Variants in RABL6 observed in about 807,000 individuals in gnomAD.
RABL6 encodes rab-like protein 6.
Under a neutral mutation model 72.9 loss-of-function variants are expected in RABL6, and 28 were observed. The observed-to-expected ratio is 0.38, with a 90% CI of 0.28 to 0.53. The LOEUF (loss-of-function observed/expected upper bound fraction) is 0.53, where lower values mean the gene tolerates loss of function less well. Among genes scored for constraint, RABL6 ranks in the 20% least tolerant of loss-of-function variants. RABL6 has a pLI of 0.80. For missense variants in RABL6, 1,029 were observed against 1,008.4 expected, an observed-to-expected ratio of 1.02 and a Z score of -0.28; for synonymous variants, 477 against 421.2, an observed-to-expected ratio of 1.13 and a Z score of -1.62.
intron 3 of RABL6, 73 bp downstream of exon 3, chr9:136,825,899 C>G: frequency 5.9e-6 from 9 of 1,517,212 alleles, no homozygotes; most frequent in Non-Finnish European, 8.2e-6. Context: ...TCCTTTCTTT[C>G]CCCCGGCGCC....
intron 1 of RABL6, chr9:136,821,764 G>A: frequency 8.6e-7 from 1 of 1,156,120 alleles, no homozygotes; most frequent in Non-Finnish European, 1.1e-6. Flanking sequence ...GCTGGAGGGC[G>A]CTGCAGGCGG....
intron 14 of RABL6, 46 bp downstream of exon 14, chr9:136,840,258 C>A (rs370321614): frequency 6.2e-7 from 1 of 1,612,224 alleles, no homozygotes. Context: ...GGGTGGCATG[C>A]GGTCCTGGGA....
At chr9:136,816,169 A>G (rs921553049) in intron 1 of RABL6, among the ~76,000 whole-genome samples, 4 of 152,164 alleles carry the variant, frequency 2.6e-5, no homozygotes, top group African/African-American at 4.8e-5. Flanking sequence ...CAGTGGCGCA[A>G]TCTTGACTCA....
In RABL6 at chr9:136,839,873, G is replaced by A; in HGVS notation, c.1930+8G>A. ...AGGAGAGCAGTGAGGAAGGTGGGTG[G>A]GGGCACCAGAGTGCGGTCAGCCTGC... On this transcript the variant is annotated splice_region_variant and intron_variant, in intron 13 of 14. Coordinates refer to ENST00000311502, the MANE Select transcript of RABL6 (RefSeq NM_024718.5). 3.1e-6 allele frequency: 5 copies of A among 1,610,274 alleles called. No individual in the cohort carries two copies. The highest frequency in any genetic ancestry group is 4.2e-6 in the Non-Finnish European group (5 of 1,178,888).
intron 1 of RABL6, among the ~76,000 whole-genome samples, chr9:136,821,081 A>G (rs540809687): frequency 6.6e-6 from 1 of 152,254 alleles, no homozygotes; most frequent in Non-Finnish European, 1.5e-5. Flanking sequence ...CCCCGCGTTC[A>G]TGAGGGCTGG....
intron 3 of RABL6, 86 bp downstream of exon 3, chr9:136,825,912 T>C (rs542823713): frequency 5.6e-6 from 8 of 1,421,438 alleles, no homozygotes; most frequent in African/African-American, 2.8e-5. Flanking sequence ...CCGGCGCCCA[T>C]GCATCACCCA....
chr9:136,816,898 G>A (rs1448112194), intron 1 of RABL6, among the ~76,000 whole-genome samples: 2 of 151,980 alleles, frequency 1.3e-5, no homozygotes, highest in East Asian at 3.9e-4. Context: ...TCAAGGGAGA[G>A]AAAATAAGAC....
chr9:136,840,937 C>T lies in RABL6; in HGVS notation c.*415C>T, dbSNP rs1291093633. The T allele has an allele frequency of 1.4e-6, 2 of 1,466,608 alleles. No homozygotes were observed. The highest frequency in any genetic ancestry group is 1.8e-6 in the Non-Finnish European group (2 of 1,104,896). 90.8% of individuals were successfully genotyped at this position (1,466,608 alleles called of 1,614,324 possible). A position where few individuals can be genotyped will look rare whatever the true frequency, so the allele number is the denominator to read the frequency against. ...CGCGCTCATCTGGGGCCGCAGCATG[C>T]CTATGGTTCCGCTTCCGGCCGGGAG... On this transcript the variant is annotated 3_prime_UTR_variant, in exon 15 of 15. Coordinates refer to ENST00000311502, the MANE Select transcript of RABL6 (RefSeq NM_024718.5).
chr9:136,841,091 A>C lies in RABL6; in HGVS notation c.*569A>C. The C allele has an allele frequency of 1.4e-6, 2 of 1,382,108 alleles. No homozygotes were observed. The highest frequency in any genetic ancestry group is 3.4e-5 in the South Asian group (2 of 59,678). The allele number at this position is 1,382,108 out of a possible 1,614,324, so 85.6% of individuals were successfully genotyped here. A position where few individuals can be genotyped will look rare whatever the true frequency, so the allele number is the denominator to read the frequency against. On this transcript the variant is annotated 3_prime_UTR_variant, in exon 15 of 15. Transcript: ENST00000311502. ...GGGTTGTGTTTCCCACAGTGGCCTCAGCTGCGCCCCCGCTCAGGTGAGCCC... is the reference window on the plus strand; with the variant it reads ...GGGTTGTGTTTCCCACAGTGGCCTCCGCTGCGCCCCCGCTCAGGTGAGCCC...
At chr9:136,815,857 T>G (rs1848109164) in intron 1 of RABL6, among the ~76,000 whole-genome samples, 1 of 152,222 alleles carries the variant, frequency 6.6e-6, no homozygotes, top group Admixed American at 6.5e-5. Flanking sequence ...GAGCTCTGTG[T>G]TTTCTGCATT....
chr9:136,828,567 G>A, intron 4 of RABL6, 21 bp downstream of exon 4: 1 of 1,611,826 alleles, frequency 6.2e-7, no homozygotes, highest in Non-Finnish European at 8.5e-7. Context: ...GGTACACAGT[G>A]GGTAGCAGTG....
rs375054697 is a variant in RABL6 at position 136,828,596 on chromosome 9, C to T, written c.366+50C>T. ...AGCAGTGGCTCAGGGCCCCGGGGTG[C>T]GTGAGCCGGTGCCCAGCGCTTCACA... On this transcript the variant is annotated intron_variant, in intron 4 of 14. Coordinates refer to ENST00000311502, the MANE Select transcript of RABL6 (RefSeq NM_024718.5). The T allele has an allele frequency of 4.4e-5, 69 of 1,580,214 alleles. 1 individual carries two copies. In the Admixed American group the frequency reaches 4.7e-4, roughly 11 times the overall value.
At chr9:136,820,776 ACAG>A (rs1257845461) in intron 1 of RABL6, among the ~76,000 whole-genome samples, 10 of 152,348 alleles carry the variant, frequency 6.6e-5, no homozygotes, top group African/African-American at 2.4e-4. Flanking sequence ...AAAAAAATAA[ACAG>A]AGGCTGAGTG....
At chr9:136,816,665 C>T (rs1432280026) in intron 1 of RABL6, among the ~76,000 whole-genome samples, 1 of 144,732 alleles carries the variant, frequency 6.9e-6, no homozygotes, top group Non-Finnish European at 1.5e-5. Flanking sequence ...TGCAGTGGGT[C>T]GAGATCGCGC....
In RABL6 at chr9:136,823,576, A is replaced by G; in HGVS notation, c.182A>G (p.His61Arg). The G allele has an allele frequency of 6.2e-7, 1 of 1,613,844 alleles. No homozygotes were observed. Among genetic ancestry groups the G allele is most frequent in the Non-Finnish European group, 8.5e-7 (1 of 1,179,852 alleles). ...DRNTGKTALW[H>R]RLQGRPFVEE... ...AACACGGGCAAGACAGCGCTGTGGC[A>G]CCGCCTGCAGGGCCGGCCGTTCGTG... Residue 61 changes from histidine (H) to arginine (R), a missense_variant, in exon 2 of 15, where the codon CAC becomes CGC. Around this residue, in one of 2 missense-constraint regions of RABL6, gnomAD observed 434 missense variants for 536.1 expected, o/e 0.81. Transcript: ENST00000311502.
chr9:136,820,558 AC>A (rs1848215855), intron 1 of RABL6, among the ~76,000 whole-genome samples: 1 of 152,094 alleles, frequency 6.6e-6, no homozygotes, highest in Non-Finnish European at 1.5e-5. Flanking sequence ...TTTAGTAGAT[AC>A]GGGGTTTCTC....
chr9:136,838,111 G>C lies in RABL6; in HGVS notation c.1280+96G>C, dbSNP rs562422145. On this transcript the variant is annotated intron_variant, in intron 10 of 14. Transcript: ENST00000311502. Reference sequence around the variant, plus strand: ...CTGGCTTTCTAGGGGCGCAGAAGGGGCCCCCCGCCGGCTGGTCACTGTTGG... The same window carrying C: ...CTGGCTTTCTAGGGGCGCAGAAGGGCCCCCCCGCCGGCTGGTCACTGTTGG... 1.7e-4 allele frequency: 241 copies of C among 1,426,090 alleles called. 2 individuals carry two copies. Among genetic ancestry groups the C allele is most frequent in the Middle Eastern group, 1.6e-3 (8 of 5,096 alleles). 88.3% of individuals were successfully genotyped at this position (1,426,090 alleles called of 1,614,324 possible).
intron 7 of RABL6, among the ~76,000 whole-genome samples, chr9:136,834,739 A>G (rs1302076410): frequency 2.6e-5 from 4 of 151,926 alleles, no homozygotes; most frequent in Non-Finnish European, 5.9e-5. Flanking sequence ...GGCCCCCCCA[A>G]AGTGCTGGGA....
chr9:136,826,856 T>A lies in RABL6; in HGVS notation c.313+1030T>A, dbSNP rs1848369932. The A allele has an allele frequency of 6.6e-6, 1 of 152,290 alleles. No homozygotes were observed. Among genetic ancestry groups the A allele is most frequent in the Admixed American group, 6.5e-5 (1 of 15,282 alleles). The allele number at this position is 152,290 out of a possible 1,614,324, so 9.4% of individuals were successfully genotyped here. On this transcript the variant is annotated intron_variant, in intron 3 of 14. Transcript: ENST00000311502. The surrounding 1 kb of genome is among the most constrained non-coding windows in gnomAD (Gnocchi z 4.9). ...CTGGCCCCTTTCGGAGCTGCAGAGA[T>A]TTCCTGTGCCTCCAGCTCTGGCTTC...
Sources: gnomAD v4.1 joint callset for allele counts (sites outside exome capture counted in the v4.1 genomes callset) on GRCh38, gnomAD v4.1.1 for gene constraint, gnomAD v4.1.1 regional missense constraint, Gnocchi (gnomAD v3.1) non-coding constraint, MANE v1.5 for transcripts, NCBI Gene and HGNC (gene_info 2026-07-23, HGNC 2026-07-21) for gene names.